The following PRIM2 variants were observed in gnomAD, a reference collection of about 807,000 sequenced individuals.
The protein encoded by PRIM2 is DNA primase subunit 2, also known as DNA primase large subunit.
In PRIM2, 39 loss-of-function variants were observed where a neutral mutation model predicts 67.3. That is an observed-to-expected ratio of 0.58 (90% CI 0.45 to 0.76). The LOEUF is 0.76. Ranked by LOEUF, PRIM2 falls within the 30% of genes least tolerant of loss-of-function variation. PRIM2 has a pLI of 0.00. For missense variants in PRIM2, 398 were observed against 598.7 expected, an observed-to-expected ratio of 0.66 and a Z score of 3.50; for synonymous variants, 143 against 198.7, an observed-to-expected ratio of 0.72 and a Z score of 2.36.
the PRIM2 span, among the ~76,000 whole-genome samples, chr6:57,299,352 A>C: frequency 1.3e-5 from 2 of 152,322 alleles, no homozygotes; most frequent in Admixed American, 1.3e-4. Flanking sequence ...TTTTAACAAA[A>C]AAAGGACATA....
At chr6:57,307,402 C>T in the PRIM2 span, among the ~76,000 whole-genome samples, 1 of 151,288 alleles carries the variant, frequency 6.6e-6, no homozygotes, top group Non-Finnish European at 1.5e-5. Flanking sequence ...TATAGGCACC[C>T]GCCACCACAC....
At chr6:57,609,458 T>C (rs1274324524) in intron 12 of PRIM2, among the ~76,000 whole-genome samples, 25 of 152,188 alleles carry the variant, frequency 1.6e-4, no homozygotes, top group African/African-American at 5.8e-4. Flanking sequence ...ACAAATGTGA[T>C]AGGGAATCTA....
the PRIM2 span, among the ~76,000 whole-genome samples, chr6:57,289,213 A>G: frequency 1.5e-4 from 23 of 152,312 alleles, no homozygotes; most frequent in South Asian, 1.7e-3. Context: ...CAGTGATCGA[A>G]GATCAAATTA....
intron 7 of PRIM2, among the ~76,000 whole-genome samples, chr6:57,450,050 A>T (rs1772491874): frequency 6.6e-6 from 1 of 152,180 alleles, no homozygotes; most frequent in Non-Finnish European, 1.5e-5. Context: ...CTGTCACTTA[A>T]AGGTGAAAAT....
At chr6:57,471,356 G>A (rs1245603938) in intron 7 of PRIM2, among the ~76,000 whole-genome samples, 1 of 152,146 alleles carries the variant, frequency 6.6e-6, no homozygotes, top group African/African-American at 2.4e-5. Flanking sequence ...TGGTGAAAAG[G>A]AAGAGGAGAT....
At chr6:57,416,415 A>G (rs1484083762) in intron 7 of PRIM2, among the ~76,000 whole-genome samples, 1 of 152,188 alleles carries the variant, frequency 6.6e-6, no homozygotes, top group Non-Finnish European at 1.5e-5. Context: ...CTAGAGCACA[A>G]GCAGAGTGGA....
rs76711262 is a variant in PRIM2, at chr6:57,392,889, C to A, written c.693+10721C>A. 2.0e-5 allele frequency among the ~76,000 whole-genome samples: 3 copies of A among 148,958 alleles called. No individual in the cohort carries two copies. The South Asian group carries it at 6.2e-4, about 31-fold the overall frequency. On this transcript the variant is annotated intron_variant, in intron 7 of 13. Coordinates refer to ENST00000615550, the MANE Select transcript of PRIM2 (RefSeq NM_000947.5). ...GCTCCCACATATCAGTGAGAACTTA[C>A]GACGTTTGGTTTTCCATTCCTGAGT...
chr6:57,463,177 G>T (rs1232439934), intron 7 of PRIM2, among the ~76,000 whole-genome samples: 1 of 152,220 alleles, frequency 6.6e-6, no homozygotes, highest in African/African-American at 2.4e-5. Flanking sequence ...GTGACTACCA[G>T]CATGTGATAT....
At chr6:57,269,948 C>T in the PRIM2 span, among the ~76,000 whole-genome samples, 20 of 151,942 alleles carry the variant, frequency 1.3e-4, no homozygotes, top group Admixed American at 7.9e-4. Context: ...TGTAGATATG[C>T]GGCATTATTT....
intron 10 of PRIM2, 96 bp from the exon 11 acceptor site, chr6:57,600,997 T>A: frequency 8.4e-7 from 1 of 1,184,530 alleles, no homozygotes; most frequent in Non-Finnish European, 1.1e-6. Context: ...TTCTAGAAAA[T>A]ATCGCTTTGC....
chr6:57,287,474 C>T, the PRIM2 span, among the ~76,000 whole-genome samples: 1 of 152,104 alleles, frequency 6.6e-6, no homozygotes, highest in Non-Finnish European at 1.5e-5. Context: ...ATGGATGAAG[C>T]TGGAAACAAT....
intron 7 of PRIM2, among the ~76,000 whole-genome samples, chr6:57,497,864 C>T (rs1774039319): frequency 6.6e-6 from 1 of 152,074 alleles, no homozygotes; most frequent in Non-Finnish European, 1.5e-5. Context: ...AGCATCTCAG[C>T]CTGCCAAGGG....
chr6:57,508,288 A>G (rs1217785107), intron 8 of PRIM2, among the ~76,000 whole-genome samples: 1 of 150,352 alleles, frequency 6.7e-6, no homozygotes, highest in Non-Finnish European at 1.5e-5. Flanking sequence ...TTAGTGTTGA[A>G]ATTATAGTTT....
chr6:57,608,627 G>T (rs1776604079), intron 12 of PRIM2, among the ~76,000 whole-genome samples: 1 of 151,676 alleles, frequency 6.6e-6, no homozygotes, highest in East Asian at 1.9e-4. Flanking sequence ...AGGAGGCAGA[G>T]GTGGAAGCCC....
chr6:57,605,311 C>G (rs1776540192), intron 11 of PRIM2, among the ~76,000 whole-genome samples: 1 of 152,098 alleles, frequency 6.6e-6, no homozygotes, highest in African/African-American at 2.4e-5. Context: ...GGGGGAGTCC[C>G]CCCTCCTCAG....
chr6:57,465,278 T>C (rs1402043434), intron 7 of PRIM2, among the ~76,000 whole-genome samples: 3 of 152,190 alleles, frequency 2.0e-5, no homozygotes, highest in Non-Finnish European at 4.4e-5. Context: ...AGCTAGGGTA[T>C]GGGCGTATGA....
At chr6:57,444,711 A>G (rs1772312993) in intron 7 of PRIM2, among the ~76,000 whole-genome samples, 1 of 152,228 alleles carries the variant, frequency 6.6e-6, no homozygotes, top group Non-Finnish European at 1.5e-5. Flanking sequence ...TTTAGCAGAA[A>G]GGTTAACATT....
chr6:57,477,297 A>G (rs1479890392), intron 7 of PRIM2, among the ~76,000 whole-genome samples: 1 of 152,234 alleles, frequency 6.6e-6, no homozygotes, highest in Non-Finnish European at 1.5e-5. Context: ...TGCCTGGCCT[A>G]GTTTTATGAA....
the PRIM2 span, among the ~76,000 whole-genome samples, chr6:57,234,620 T>A: frequency 8.6e-6 from 1 of 116,026 alleles, no homozygotes; most frequent in Non-Finnish European, 2.0e-5. Flanking sequence ...GCCTCCCAGG[T>A]TCAAGCGATT....
Sources: gnomAD v4.1 joint callset for allele counts (sites outside exome capture counted in the v4.1 genomes callset) on GRCh38, gnomAD v4.1.1 for gene constraint, MANE v1.5 for transcripts, NCBI Gene and HGNC (gene_info 2026-07-23, HGNC 2026-07-21) for gene names.